RNF19A: variants seen among roughly 807,000 people sequenced by gnomAD.
The protein encoded by RNF19A is E3 ubiquitin-protein ligase RNF19A.
A neutral mutation model predicts 75.7 loss-of-function variants in RNF19A; 32 were observed. The observed-to-expected ratio is 0.42, with a 90% CI of 0.32 to 0.57. The LOEUF is 0.57. Among genes scored for constraint, RNF19A ranks in the 20% least tolerant of loss-of-function variants. The probability of loss-of-function intolerance (pLI) is 0.10; values close to 1 mark genes in which losing one functional copy is unlikely to be tolerated. For missense variants in RNF19A, 782 were observed against 1,036.3 expected (o/e 0.75, Z 3.37); for synonymous variants, 335 against 345.2 (o/e 0.97, Z 0.33).
In RNF19A at chr8:100,332,570, T is replaced by G. The variant is rs1822625653; in HGVS notation, c.-243+3538A>C. 1.3e-5 allele frequency among the ~76,000 whole-genome samples: 2 copies of G among 152,226 alleles called. No homozygotes were observed. Among genetic ancestry groups the G allele is most frequent in the Admixed American group, 1.3e-4 (2 of 15,286 alleles). On this transcript the variant is annotated intron_variant, in intron 1 of 3. Transcript: ENST00000519527. The surrounding 1 kb of genome is among the most constrained non-coding windows in gnomAD (Gnocchi z 4.8). The stretch of plus-strand genomic sequence containing the variant: ...TAATACAATATCTATTGTCCAATTA[T>G]CCTACAAGTGATCACATAAATCACC...
chr8:100,327,922 C>T (rs1346567369), intron 1 of RNF19A, among the ~76,000 whole-genome samples: 1 of 152,158 alleles, frequency 6.6e-6, no homozygotes, highest in Non-Finnish European at 1.5e-5. Context: ...AATCTGACAG[C>T]TATTGCAGAG....
chr8:100,282,143 T>C lies in RNF19A; in HGVS notation c.674+5358A>G, dbSNP rs1820807509. On this transcript the variant is annotated intron_variant, in intron 2 of 9. Coordinates refer to ENST00000341084, the MANE Select transcript of RNF19A (RefSeq NM_183419.4). ...GCTGCATATCCAAAGCTACATTCTT[T>C]AGTCAACTAATTAGAGAAAGCTGAC... 2.0e-5 allele frequency among the ~76,000 whole-genome samples: 3 copies of C among 152,202 alleles called. No homozygotes were observed. In the South Asian group the frequency reaches 6.2e-4, roughly 32 times the overall value.
At chr8:100,271,948 C>G (rs969163212) in intron 3 of RNF19A, among the ~76,000 whole-genome samples, 1 of 152,126 alleles carries the variant, frequency 6.6e-6, no homozygotes, top group African/African-American at 2.4e-5. Flanking sequence ...TTTCTATTTA[C>G]AGTGTTTGGC....
upstream of RNF19A, among the ~76,000 whole-genome samples, chr8:100,313,606 GTA>G (rs1345581127): frequency 6.6e-6 from 1 of 152,158 alleles, no homozygotes; most frequent in Admixed American, 6.5e-5. Flanking sequence ...TAAATGATTG[GTA>G]TGAAGTGTGA....
At chr8:100,310,526 T>C (rs1228564654), upstream of RNF19A, among the ~76,000 whole-genome samples, 1 of 152,202 alleles carries the variant, frequency 6.6e-6, no homozygotes, top group Non-Finnish European at 1.5e-5. Context: ...TATTCATTCC[T>C]TTGTGTTCTC....
rs138475246 is a variant in RNF19A, at chr8:100,284,077, T to C, written c.674+3424A>G. 1.3e-4 allele frequency among the ~76,000 whole-genome samples: 19 copies of C among 151,896 alleles called. No individual in the cohort carries two copies. The highest frequency in any genetic ancestry group is 4.6e-4 in the African/African-American group (19 of 41,402). On this transcript the variant is annotated intron_variant, in intron 2 of 9. Transcript: ENST00000341084. This position sits in a 1 kb window ranked among gnomAD's most constrained non-coding sequence, Gnocchi z 4.3. ...TGCATTAAATATTTGAATGATTATC[T>C]GATTTAAAAAAAAAAAGCAAAACTT...
intron 1 of RNF19A, among the ~76,000 whole-genome samples, chr8:100,292,435 G>GGGGTGGGT (rs137938989): frequency 6.9e-6 from 1 of 145,332 alleles, no homozygotes; most frequent in African/African-American, 2.5e-5. Context: ...CTATCATATG[G>GGGGTGGGT]GTGTGTGTGT....
chr8:100,309,232 C>T (rs28651515), intron 1 of RNF19A: 3 of 789,246 alleles, frequency 3.8e-6, no homozygotes, highest in Non-Finnish European at 4.6e-6. Context: ...CACCCCAAGG[C>T]TACACCATTT....
chr8:100,262,950 T>A (rs1213569815), intron 7 of RNF19A, among the ~76,000 whole-genome samples: 1 of 151,968 alleles, frequency 6.6e-6, no homozygotes, highest in African/African-American at 2.4e-5. Flanking sequence ...ACAGGAGGAA[T>A]GGAGAAGCTA....
At position 100,275,211 on chromosome 8, in the gene RNF19A, A is replaced by C. The variant is rs761137066; in HGVS notation, c.675-50T>G. ...TAAAATGTGACATAAAACAAGAGATACTCATTTCAAAAAGTATCCAACTAA... is the reference window on the plus strand; with the variant it reads ...TAAAATGTGACATAAAACAAGAGATCCTCATTTCAAAAAGTATCCAACTAA... On this transcript the variant is annotated intron_variant, in intron 2 of 9. Transcript: ENST00000341084. The surrounding 1 kb of genome is among the most constrained non-coding windows in gnomAD (Gnocchi z 4.3). 2.1e-5 allele frequency: 31 copies of C among 1,511,542 alleles called. No homozygotes were observed. Among genetic ancestry groups the C allele is most frequent in the Non-Finnish European group, 2.8e-5 (31 of 1,092,152 alleles). The allele number at this position is 1,511,542 out of a possible 1,614,324, so 93.6% of individuals were successfully genotyped here. A position where few individuals can be genotyped will look rare whatever the true frequency, so the allele number is the denominator to read the frequency against.
chr8:100,303,859 C>T (rs546353385), intron 1 of RNF19A, among the ~76,000 whole-genome samples: 1 of 151,988 alleles, frequency 6.6e-6, no homozygotes, highest in South Asian at 2.1e-4. Flanking sequence ...ATCGTTTCAG[C>T]CTGGGAGGCG....
intron 1 of RNF19A, among the ~76,000 whole-genome samples, chr8:100,316,324 G>A (rs192225623): frequency 1.3e-3 from 194 of 152,220 alleles, no homozygotes; most frequent in Non-Finnish European, 1.9e-3. Context: ...GCGAAAGAAC[G>A]AAGCTTCCAC....
intron 2 of RNF19A, among the ~76,000 whole-genome samples, chr8:100,276,918 G>T (rs1820548493): frequency 6.6e-6 from 1 of 151,874 alleles, no homozygotes; most frequent in African/African-American, 2.4e-5. Context: ...TTGTGTCTAT[G>T]CCAATATCCT....
rs377429903 is a variant in RNF19A at position 100,316,808 on chromosome 8, C to G, written c.-242-3436G>C. On this transcript the variant is annotated intron_variant, in intron 1 of 3. Coordinates refer to the RNF19A transcript ENST00000519527. The stretch of plus-strand genomic sequence containing the variant: ...GCCCTTGGGTGGTCTGTGGGATTGG[C>G]TGCCGTGGAGCAGGGGGTGGTGCTC... 6.6e-5 allele frequency among the ~76,000 whole-genome samples: 10 copies of G among 152,354 alleles called. No individual in the cohort carries two copies. In the East Asian group the frequency reaches 1.2e-3, roughly 18 times the overall value.
intron 2 of RNF19A, among the ~76,000 whole-genome samples, chr8:100,280,024 G>A (rs375575301): frequency 2.6e-5 from 4 of 152,042 alleles, no homozygotes; most frequent in African/African-American, 7.2e-5. Context: ...TTAAAGCACT[G>A]TTATCTCTAT....
chr8:100,272,216 C>T (rs1802330264), intron 3 of RNF19A, among the ~76,000 whole-genome samples: 2 of 152,182 alleles, frequency 1.3e-5, no homozygotes, highest in Middle Eastern at 3.4e-3. Flanking sequence ...GCCTAAACCT[C>T]CTAGTAGCTA....
chr8:100,261,549 A>AACAGTTT lies in RNF19A; in HGVS notation c.1668_1674dup (p.Phe559LysfsTer4), dbSNP rs756689353. 1 of 1,613,986 alleles carries AACAGTTT rather than the reference A, an allele frequency of 6.2e-7. No individual in the cohort carries two copies. Among genetic ancestry groups the AACAGTTT allele is most frequent in the Non-Finnish European group, 8.5e-7 (1 of 1,179,924 alleles). ...CCAAACCAAAACACACACCTGTTAA[A>AACAGTTT]ACAGTTTACCATGGCACTTCCTGAC... On this transcript the variant is annotated frameshift_variant, in exon 8 of 10. Transcript: ENST00000341084. LOFTEE classifies it high-confidence loss of function. The surrounding 1 kb of genome is among the most constrained non-coding windows in gnomAD (Gnocchi z 4.4).
intron 3 of RNF19A, among the ~76,000 whole-genome samples, chr8:100,270,416 C>T (rs1820199384): frequency 6.6e-6 from 1 of 152,018 alleles, no homozygotes; most frequent in African/African-American, 2.4e-5. Context: ...CAAATGTACA[C>T]GTTCTGTACA....
At position 100,257,860 on chromosome 8, in the gene RNF19A, G is replaced by T. The variant is rs1251035317; in HGVS notation, c.*696C>A. 1.0e-5 allele frequency: 4 copies of T among 395,216 alleles called. No homozygotes were observed. The highest frequency in any genetic ancestry group is 1.8e-5 in the Non-Finnish European group (4 of 224,132). The allele number at this position is 395,216 out of a possible 1,614,324, so 24.5% of individuals were successfully genotyped here. ...TTTTGTAGTTTTATGTATCTTATTT[G>T]TTGCTGTCATATGCTTAATTACTTA... On this transcript the variant is annotated 3_prime_UTR_variant, in exon 10 of 10. Coordinates refer to ENST00000341084, the MANE Select transcript of RNF19A (RefSeq NM_183419.4).
Sources: allele counts gnomAD v4.1 joint callset (sites outside exome capture counted in the v4.1 genomes callset), GRCh38; gene constraint gnomAD v4.1.1; non-coding constraint Gnocchi (gnomAD v3.1); transcripts MANE v1.5; gene names NCBI Gene and HGNC (gene_info 2026-07-23, HGNC 2026-07-21).